TUBGCP5: variants seen among roughly 807,000 people sequenced by gnomAD.
TUBGCP5 encodes tubulin gamma complex component 5.
Under a neutral mutation model 134.7 loss-of-function variants are expected in TUBGCP5, and 98 were observed. The ratio of observed to expected loss-of-function variants is 0.73; its 90% CI spans 0.62 to 0.86. The LOEUF is 0.86. TUBGCP5 is among the 40% of genes least tolerant of loss of function. TUBGCP5 has a pLI of 0.00. For synonymous variants in TUBGCP5, 456 were observed against 431.4 expected, an observed-to-expected ratio of 1.06 and a Z score of -0.71; for missense variants, 1,150 against 1,244.8, an observed-to-expected ratio of 0.92 and a Z score of 1.15.
In TUBGCP5 at chr15:23,006,273, AGCT is replaced by A. The variant is rs2064708789; in HGVS notation, c.2404_2406del (p.Ser802del). 1.2e-6 allele frequency: 2 copies of A among 1,609,340 alleles called. No individual in the cohort carries two copies. Among genetic ancestry groups the A allele is most frequent in the African/African-American group, 2.7e-5 (2 of 74,666 alleles). On this transcript the variant is annotated inframe_deletion, in exon 17 of 23. Coordinates refer to ENST00000615383, the MANE Select transcript of TUBGCP5 (RefSeq NM_052903.6). ...CAAGGAATATCAGCATATACCTTGT[AGCT>A]GAGGGTCAGACCATCTAAGATATGA...
Position 23,026,117 on chromosome 15 carries a change from A to G in TUBGCP5, c.826T>C (p.Trp276Arg). 1 of 1,605,514 alleles carries G rather than the reference A, an allele frequency of 6.2e-7. No individual in the cohort carries two copies. The highest frequency in any genetic ancestry group is 8.5e-7 in the Non-Finnish European group (1 of 1,177,220). ...TETQVIRETL[W>R]LLSGVKKLFI... Reference sequence around the variant, plus strand: ...ATTAATTAAATGAACATTTCTTACCATAGGGTTTCCCGAATAACCTGAGTC... The same window carrying G: ...ATTAATTAAATGAACATTTCTTACCGTAGGGTTTCCCGAATAACCTGAGTC... Residue 276 changes from tryptophan to arginine, a missense_variant and splice_region_variant, in exon 8 of 23, where the codon TGG becomes CGG. By Grantham distance (101) the Trp-to-Arg change is moderately radical. This residue lies in a region of TUBGCP5 where 453 missense variants were observed against 394.7 expected (regional missense o/e 1.15). Coordinates refer to ENST00000615383, the MANE Select transcript of TUBGCP5 (RefSeq NM_052903.6).
chr15:23,026,232 A>G (rs759415798), intron 7 of TUBGCP5, 27 bp from the exon 8 acceptor site: 2 of 1,589,546 alleles, frequency 1.3e-6, no homozygotes, highest in Non-Finnish European at 1.7e-6. Context: ...ATAAATGTCA[A>G]TAGAAAGGTT....
intron 9 of TUBGCP5, 22 bp from the exon 10 acceptor site, chr15:23,024,215 A>G (rs1298253544): frequency 1.9e-6 from 3 of 1,606,184 alleles, no homozygotes; most frequent in Non-Finnish European, 2.6e-6. Flanking sequence ...GCAAACTGCA[A>G]TTATTCAAAG....
In TUBGCP5 at chr15:23,039,444, C is replaced by A. The variant is rs1424620865; in HGVS notation, c.100G>T (p.Asp34Tyr). 6.5e-7 allele frequency: 1 copy of A among 1,543,482 alleles called. No homozygotes were observed. The highest frequency in any genetic ancestry group is 1.2e-5 in the South Asian group (1 of 83,640). The change falls in exon 1 of 23, where the codon GAC becomes TAC. Residue 34 changes from aspartate (D) to tyrosine (Y), a missense_variant. Transcript: ENST00000615383. The stretch of plus-strand genomic sequence containing the variant: ...TTTAGGGCGAGCTGGAAGTTGGGGT[C>A]TGCCTCGTCCTGGAGGCCGGCGACA... ...RGVAGLQDEA[D>Y]PNFQLALNFA...
rs776918732 is a variant in TUBGCP5, at chr15:23,017,981, G to A, written c.1548C>T (p.Ser516=). Residue 516 remains serine (S), a synonymous_variant, in exon 13 of 23, where the codon AGC becomes AGT. Transcript: ENST00000615383. Reference sequence around the variant, plus strand: ...CTTCATTTTCTGTCTTTTCTGATACGCTATATAACGTGTAAGTTGCATACC... The same window carrying A: ...CTTCATTTTCTGTCTTTTCTGATACACTATATAACGTGTAAGTTGCATACC... ...DFWYATYTLY[S]VSEKTENEEK... The A allele has an allele frequency of 2.2e-5, 36 of 1,613,926 alleles. No individual in the cohort carries two copies. Among genetic ancestry groups the A allele is most frequent in the African/African-American group, 1.3e-4 (10 of 74,894 alleles).
At chr15:23,028,852 C>A in intron 6 of TUBGCP5, among the ~76,000 whole-genome samples, 1 of 152,072 alleles carries the variant, frequency 6.6e-6, no homozygotes, top group Non-Finnish European at 1.5e-5. Flanking sequence ...TAAGAACTAG[C>A]AGGAAGAATA....
In TUBGCP5 at chr15:23,006,257, T is replaced by C; in HGVS notation, c.2412+11A>G. 1 of 1,609,180 alleles carries C rather than the reference T, an allele frequency of 6.2e-7. No homozygotes were observed. The highest frequency in any genetic ancestry group is 8.5e-7 in the Non-Finnish European group (1 of 1,178,710). On this transcript the variant is annotated intron_variant, in intron 17 of 22. Transcript: ENST00000615383. ...GAAAACACGGTTCATACAAGGAATA[T>C]CAGCATATACCTTGTAGCTGAGGGT...
rs2064315646 is a variant in TUBGCP5, at chr15:23,000,614, C to T, written c.2983G>A (p.Val995Ile). ...CAGACGGCTTTGTTTAAAATGGTTACAAGAAACATATGGCAGTTTTTAAAA... is the reference window on the plus strand; with the variant it reads ...CAGACGGCTTTGTTTAAAATGGTTATAAGAAACATATGGCAGTTTTTAAAA... ...SDFKNCHMFL[V>I]TILNKAVCRG... Residue 995 changes from valine to isoleucine, a missense_variant, in exon 22 of 23, where the codon GTA becomes ATA. By Grantham distance (29) the Val-to-Ile change is conservative (BLOSUM62 3). Around this residue, in one of 2 missense-constraint regions of TUBGCP5, gnomAD observed 697 missense variants for 850.1 expected, o/e 0.82. Coordinates refer to ENST00000615383, the MANE Select transcript of TUBGCP5 (RefSeq NM_052903.6). 2.5e-6 allele frequency: 4 copies of T among 1,610,320 alleles called. No homozygotes were observed. Among genetic ancestry groups the T allele is most frequent in the African/African-American group, 1.3e-5 (1 of 74,824 alleles).
chr15:23,002,651 G>A (rs1384162904), intron 21 of TUBGCP5, among the ~76,000 whole-genome samples: 1 of 152,270 alleles, frequency 6.6e-6, no homozygotes, highest in Admixed American at 6.5e-5. Context: ...CAGCAAGTGT[G>A]ACTGGGGAGG....
intron 11 of TUBGCP5, among the ~76,000 whole-genome samples, chr15:23,021,633 T>C (rs981406900): frequency 6.6e-6 from 1 of 152,236 alleles, no homozygotes; most frequent in Non-Finnish European, 1.5e-5. Context: ...CCACTTTGTT[T>C]CTGTGGATGT....
chr15:22,995,651 A>G (rs908408629), downstream of TUBGCP5, among the ~76,000 whole-genome samples: 1 of 152,140 alleles, frequency 6.6e-6, no homozygotes, highest in East Asian at 1.9e-4. Context: ...CAGTAATGTA[A>G]GAAATTCCCA....
At chr15:23,026,328 A>G in intron 7 of TUBGCP5, 123 bp from the exon 8 acceptor site, 1 of 722,372 alleles carries the variant, frequency 1.4e-6, no homozygotes, top group South Asian at 1.7e-5. Flanking sequence ...TATACATAAT[A>G]AATGGCTTAA....
chr15:23,005,904 G>C (rs1373456718), intron 18 of TUBGCP5, 148 bp downstream of exon 18: 5 of 834,606 alleles, frequency 6.0e-6, no homozygotes, highest in Non-Finnish European at 8.9e-6. Context: ...CACCATTTTG[G>C]CATTTGTGTA....
downstream of TUBGCP5, among the ~76,000 whole-genome samples, chr15:22,995,885 C>A (rs931285568): frequency 6.6e-6 from 1 of 152,124 alleles, no homozygotes; most frequent in African/African-American, 2.4e-5. Flanking sequence ...GGAATAATAA[C>A]GGATCCTTTT....
At chr15:23,038,530 G>C (rs1366136291) in intron 1 of TUBGCP5, among the ~76,000 whole-genome samples, 1 of 152,164 alleles carries the variant, frequency 6.6e-6, no homozygotes, top group Non-Finnish European at 1.5e-5. Flanking sequence ...TGGTTTAAAA[G>C]AATCTGAAAG....
intron 12 of TUBGCP5, 41 bp from the exon 13 acceptor site, chr15:23,018,082 T>C (rs1718674612): frequency 1.9e-6 from 3 of 1,542,194 alleles, no homozygotes; most frequent in Middle Eastern, 2.3e-4. Flanking sequence ...TATTTCTCTT[T>C]CTTAAAAACA....
At chr15:23,006,408 C>A in intron 16 of TUBGCP5, 56 bp from the exon 17 acceptor site, 1 of 1,266,574 alleles carries the variant, frequency 7.9e-7, no homozygotes, top group Non-Finnish European at 1.1e-6. Flanking sequence ...CACAAAAATG[C>A]TCTTTTAAAA....
chr15:23,024,304 T>G (rs1041556100), intron 9 of TUBGCP5, 111 bp from the exon 10 acceptor site: 1 of 1,241,760 alleles, frequency 8.1e-7, no homozygotes, highest in South Asian at 1.6e-5. Context: ...AACAGTATGT[T>G]TAGTAGAAGA....
intron 9 of TUBGCP5, 74 bp from the exon 10 acceptor site, chr15:23,024,267 T>C: frequency 1.3e-6 from 2 of 1,529,250 alleles, no homozygotes; most frequent in Non-Finnish European, 1.8e-6. Context: ...CCTCTCGCTG[T>C]AAAATACTTC....
Sources: gnomAD v4.1 joint callset for allele counts (sites outside exome capture counted in the v4.1 genomes callset) on GRCh38, gnomAD v4.1.1 for gene constraint, gnomAD v4.1.1 regional missense constraint, MANE v1.5 for transcripts, NCBI Gene and HGNC (gene_info 2026-07-23, HGNC 2026-07-21) for gene names.